Variants in MAP7D2 observed in about 807,000 individuals in gnomAD.
MAP7D2 encodes MAP7 domain containing 2.
A neutral mutation model predicts 63.5 loss-of-function variants in MAP7D2; 33 were observed. The ratio of observed to expected loss-of-function variants is 0.52; its 90% CI spans 0.39 to 0.70. The LOEUF (loss-of-function observed/expected upper bound fraction) is 0.70, where lower values mean the gene tolerates loss of function less well. Among genes scored for constraint, MAP7D2 ranks in the 30% least tolerant of loss-of-function variants. MAP7D2 has a pLI of 0.00. For synonymous variants in MAP7D2, 224 were observed against 223.7 expected (o/e 1.00, Z -0.01); for missense variants, 626 against 604.0 (o/e 1.04, Z -0.38).
chrX:20,044,541 T>A lies in MAP7D2; in HGVS notation c.719-17A>T. ...CATGGAATACTAGAAAGTTACAGTA[T>A]AACAGCCAGAAGGACAGAGAGTACA... On this transcript the variant is annotated splice_polypyrimidine_tract_variant and intron_variant, in intron 6 of 16. Coordinates refer to ENST00000379643, the MANE Select transcript of MAP7D2 (RefSeq NM_001168465.2). The A allele has an allele frequency of 8.3e-7, 1 of 1,199,015 alleles. No individual in the cohort carries two copies. Among genetic ancestry groups the A allele is most frequent in the Non-Finnish European group, 1.1e-6 (1 of 884,517 alleles).
Position 20,025,809 on chromosome X carries a change from C to G in MAP7D2, c.1151G>C (p.Arg384Thr), listed in dbSNP as rs1258706006. ...KAEKEKSNKE[R>T]EGTLAQQAAG... ...AGCCTGCTGAGCCAAGGTACCTTCC[C>G]TTTCCTTGTTGCTCTTCTCTTTCTC... Residue 384 changes from arginine to threonine, a missense_variant, in exon 9 of 17, where the codon AGG (arginine) becomes ACG (threonine). Physicochemically the swap from Arg to Thr is moderately conservative, Grantham distance 71. Coordinates refer to ENST00000379643, the MANE Select transcript of MAP7D2 (RefSeq NM_001168465.2). The G allele has an allele frequency of 8.3e-7, 1 of 1,212,038 alleles. No homozygotes were observed. The highest frequency in any genetic ancestry group is 1.1e-6 in the Non-Finnish European group (1 of 895,607).
chrX:20,076,024 G>A (rs1281213780), intron 1 of MAP7D2, among the ~76,000 whole-genome samples: 1 of 111,248 alleles, frequency 9.0e-6, no homozygotes, highest in African/African-American at 3.3e-5. Context: ...GTGTGCATCA[G>A]AATCCATTAG....
rs774233963 is a variant in MAP7D2, at chrX:20,042,736, G to A, written c.880-107C>T. On this transcript the variant is annotated intron_variant, in intron 7 of 16. Coordinates refer to ENST00000379643, the MANE Select transcript of MAP7D2 (RefSeq NM_001168465.2). ...TGCACAGCTTTCTTTCAGAGGGATC[G>A]ATATGAAGCTATAACGCTTCACATG... is the stretch of plus-strand genomic sequence containing the variant. 1.2e-5 allele frequency: 12 copies of A among 969,826 alleles called. No individual in the cohort carries two copies. In the African/African-American group the frequency reaches 1.5e-4, roughly 12 times the overall value. 79.9% of individuals were successfully genotyped at this position (969,826 alleles called of 1,213,427 possible).
intron 1 of MAP7D2, among the ~76,000 whole-genome samples, chrX:20,111,362 T>C (rs1379610853): frequency 8.9e-6 from 1 of 112,166 alleles, no homozygotes; most frequent in African/African-American, 3.2e-5. Flanking sequence ...TCTGAGCGCT[T>C]TGCAGGCCCT....
chrX:20,102,640 G>A (rs140850390), intron 1 of MAP7D2, among the ~76,000 whole-genome samples: 1 of 110,460 alleles, frequency 9.1e-6, no homozygotes, highest in African/African-American at 3.3e-5. Flanking sequence ...CTGGACGGAC[G>A]GACAGAGATC....
At chrX:20,101,600 C>T (rs910402390) in intron 1 of MAP7D2, among the ~76,000 whole-genome samples, 17 of 111,842 alleles carry the variant, frequency 1.5e-4, no homozygotes, top group Middle Eastern at 4.2e-3. Context: ...ACAAGCATAA[C>T]GCTCATAAAA....
At chrX:20,022,195 C>T (rs1366562941) in intron 10 of MAP7D2, among the ~76,000 whole-genome samples, 2 of 111,509 alleles carry the variant, frequency 1.8e-5, no homozygotes, top group East Asian at 2.8e-4. Context: ...CACAAGTCCA[C>T]GTGGGGGCAA....
chrX:20,108,272 T>C (rs2066626373), intron 1 of MAP7D2, among the ~76,000 whole-genome samples: 1 of 108,310 alleles, frequency 9.2e-6, no homozygotes. Context: ...TCTCACTCTG[T>C]CACCTAGGCT....
intron 1 of MAP7D2, among the ~76,000 whole-genome samples, chrX:20,085,427 T>A (rs2148465468): frequency 8.9e-6 from 1 of 112,203 alleles, no homozygotes; most frequent in Non-Finnish European, 1.9e-5. Context: ...CCATAAAGAA[T>A]CAGTAAAATG....
chrX:20,085,986 A>T (rs1448576330), intron 1 of MAP7D2, among the ~76,000 whole-genome samples: 1 of 112,513 alleles, frequency 8.9e-6, no homozygotes, highest in Non-Finnish European at 1.9e-5. Flanking sequence ...TGCTGGGATT[A>T]CAGGTGTGAG....
chrX:20,016,369 AG>A, intron 10 of MAP7D2, 44 bp from the exon 11 acceptor site: 1 of 1,112,389 alleles, frequency 9.0e-7, no homozygotes, highest in Admixed American at 2.2e-5. Context: ...ATGCTCGAAA[AG>A]CAAACTGCCA....
chrX:20,068,517 C>A (rs2065416929), intron 1 of MAP7D2, among the ~76,000 whole-genome samples: 1 of 112,485 alleles, frequency 8.9e-6, no homozygotes, highest in South Asian at 3.7e-4. Context: ...TCATCTCCAG[C>A]TTCCACCTTC....
At chrX:20,082,524 C>T (rs369239672) in intron 1 of MAP7D2, among the ~76,000 whole-genome samples, 25 of 112,307 alleles carry the variant, frequency 2.2e-4, no homozygotes, top group African/African-American at 7.4e-4. Flanking sequence ...CAGATCTGTG[C>T]GTCTGGCATC....
intron 11 of MAP7D2, among the ~76,000 whole-genome samples, 175 bp from the exon 12 acceptor site, chrX:20,015,502 C>T (rs1483062846): frequency 6.2e-5 from 7 of 112,397 alleles, no homozygotes; most frequent in Non-Finnish European, 1.1e-4. Context: ...CATGGTTGGA[C>T]CTCATTCATA....
chrX:20,107,273 C>T lies in MAP7D2; in HGVS notation c.130+9477G>A, dbSNP rs374100252. ...TGTGGTTAAGGGAGAGAACTTGGTA[C>T]ATAAGAGGATGAAGGGGCTGGGCGC... On this transcript the variant is annotated intron_variant, in intron 1 of 16. Coordinates refer to ENST00000379643, the MANE Select transcript of MAP7D2 (RefSeq NM_001168465.2). Among the ~76,000 whole-genome samples the T allele has an allele frequency of 1.3e-4, 14 of 110,570 alleles. No homozygotes were observed. In the South Asian group the frequency reaches 2.3e-3, roughly 18 times the overall value.
rs768672531 is a variant in MAP7D2 at position 20,076,701 on chromosome X, C to CA, written c.131-11897dup. On this transcript the variant is annotated intron_variant, in intron 1 of 16. Coordinates refer to ENST00000379643, the MANE Select transcript of MAP7D2 (RefSeq NM_001168465.2). Reference sequence around the variant, plus strand: ...GGGCAACAAGAGCAAAACTTAGTCTCAAAAAAAAAAAAAAATTGTATACAG... The same window carrying CA: ...GGGCAACAAGAGCAAAACTTAGTCTCAAAAAAAAAAAAAAAATTGTATACAG... Among the ~76,000 whole-genome samples the CA allele has an allele frequency of 5.3e-3, 381 of 71,634 alleles. 1 individual carries two copies. Among genetic ancestry groups the CA allele is most frequent in the African/African-American group, 8.6e-3 (165 of 19,138 alleles). 62.2% of individuals were successfully genotyped at this position (71,634 alleles called of 115,157 possible).
intron 1 of MAP7D2, among the ~76,000 whole-genome samples, chrX:20,112,020 C>T (rs777896799): frequency 1.8e-5 from 2 of 112,072 alleles, no homozygotes; most frequent in Non-Finnish European, 3.8e-5. Flanking sequence ...GATCTGTGGG[C>T]CTCAGCCTCC....
intron 3 of MAP7D2, among the ~76,000 whole-genome samples, chrX:20,060,470 G>GA (rs1444191672): frequency 9.2e-6 from 1 of 108,183 alleles, no homozygotes; most frequent in African/African-American, 3.4e-5. Context: ...AAGAAAGAAA[G>GA]AAAGAAAGAA....
At position 20,094,557 on chromosome X, in the gene MAP7D2, TATATATATATAC is replaced by T. The variant is rs1569141262; in HGVS notation, c.130+22181_130+22192del. 9.0e-3 allele frequency among the ~76,000 whole-genome samples: 120 copies of T among 13,343 alleles called. 7 individuals carry two copies. The highest frequency in any genetic ancestry group is 0.031 in the African/African-American group (97 of 3,120). The allele number at this position is 13,343 out of a possible 115,157, so 11.6% of individuals were successfully genotyped here. A position where few individuals can be genotyped will look rare whatever the true frequency, so the allele number is the denominator to read the frequency against. On this transcript the variant is annotated intron_variant, in intron 1 of 16. Transcript: ENST00000379643. Reference sequence around the variant, plus strand: ...ATATATATATGTATATATATATATATATATATATATACATATATATGTATATATATATATATT... The same window carrying T: ...ATATATATATGTATATATATATATATATATATATGTATATATATATATATT...
Sources: gnomAD v4.1 joint callset for allele counts (sites outside exome capture counted in the v4.1 genomes callset) on GRCh38, gnomAD v4.1.1 for gene constraint, MANE v1.5 for transcripts, NCBI Gene and HGNC (gene_info 2026-07-23, HGNC 2026-07-21) for gene names.